HNRNPM: variants seen among roughly 807,000 people sequenced by gnomAD.
HNRNPM encodes heterogeneous nuclear ribonucleoprotein M.
In HNRNPM, 11 loss-of-function variants were observed where a neutral mutation model predicts 73.1. That is an observed-to-expected ratio of 0.15 (90% CI 0.09 to 0.25). HNRNPM has a LOEUF of 0.25. HNRNPM is among the 10% of genes least tolerant of loss of function. HNRNPM has a pLI of 1.00. For synonymous variants in HNRNPM, 407 were observed against 355.2 expected (o/e 1.15, Z -1.64); for missense variants, 789 against 1,067.9 (o/e 0.74, Z 3.64).
chr19:8,471,294 G>A, intron 9 of HNRNPM, 32 bp from the exon 10 acceptor site: 1 of 1,406,520 alleles, frequency 7.1e-7, no homozygotes, highest in Non-Finnish European at 9.8e-7. Context: ...CTAAATAGGG[G>A]AAAACTAAGC....
At chr19:8,461,677 T>G (rs1969407713) in intron 2 of HNRNPM, among the ~76,000 whole-genome samples, 1 of 152,222 alleles carries the variant, frequency 6.6e-6, no homozygotes, top group Non-Finnish European at 1.5e-5. Context: ...CATATGAGTC[T>G]GTTTAACTGT....
Position 8,459,519 on chromosome 19 carries a change from C to T in HNRNPM, c.284-3010C>T, listed in dbSNP as rs375897391. On this transcript the variant is annotated intron_variant, in intron 2 of 15. Coordinates refer to ENST00000325495, the MANE Select transcript of HNRNPM (RefSeq NM_005968.5). ...ATAGAGTGGCAGCCTGAGAATTGAC[C>T]GTTATGAGATGAAGAATGTTTGACA... Among the ~76,000 whole-genome samples, 8 of 152,176 alleles carry T rather than the reference C, an allele frequency of 5.3e-5. No homozygotes were observed. In the East Asian group the frequency reaches 7.7e-4, roughly 15 times the overall value.
At chr19:8,467,485 C>CT (rs1335578440) in intron 7 of HNRNPM, 50 bp from the exon 8 acceptor site, 1 of 1,394,372 alleles carries the variant, frequency 7.2e-7, no homozygotes, top group Non-Finnish European at 1.0e-6. Context: ...TTGTATTTCT[C>CT]TTGTGCACAT....
At chr19:8,482,920 C>A in intron 12 of HNRNPM, 1 of 497,528 alleles carries the variant, frequency 2.0e-6, no homozygotes, top group Non-Finnish European at 3.5e-6. Context: ...TCGCAGGTGA[C>A]CCCGCACGCT....
intron 1 of HNRNPM, among the ~76,000 whole-genome samples, chr19:8,454,433 AT>A (rs146525539): frequency 0.056 from 8,602 of 152,276 alleles, 373 homozygotes; most frequent in Admixed American, 0.11. Context: ...GCTGAATAAT[AT>A]CCCATTGCAT....
At chr19:8,445,365 C>T (rs1968069608) in intron 1 of HNRNPM, 1 of 362,322 alleles carries the variant, frequency 2.8e-6, no homozygotes, top group Non-Finnish European at 4.9e-6. Flanking sequence ...ACCCCGTAGT[C>T]GAGGCCTCAG....
chr19:8,467,191 C>T (rs1599792620), intron 7 of HNRNPM, among the ~76,000 whole-genome samples: 1 of 152,058 alleles, frequency 6.6e-6, no homozygotes, highest in East Asian at 1.9e-4. Flanking sequence ...CATGTCTTAC[C>T]CAGAAAACAT....
At chr19:8,447,972 GC>G (rs1182487800) in intron 1 of HNRNPM, among the ~76,000 whole-genome samples, 2 of 152,150 alleles carry the variant, frequency 1.3e-5, no homozygotes, top group Non-Finnish European at 2.9e-5. Flanking sequence ...CTTGCAGTGA[GC>G]CGAGATTGGG....
intron 1 of HNRNPM, among the ~76,000 whole-genome samples, chr19:8,454,977 G>T (rs774940443): frequency 6.6e-6 from 1 of 151,988 alleles, no homozygotes; most frequent in South Asian, 2.1e-4. Flanking sequence ...CATTAGTCTT[G>T]TCTTTGCTTT....
At chr19:8,465,287 G>C (rs1383894454) in intron 5 of HNRNPM, 37 bp from the exon 6 acceptor site, 1 of 1,518,562 alleles carries the variant, frequency 6.6e-7, no homozygotes, top group East Asian at 2.3e-5. Context: ...CGTTGTACTG[G>C]GTCAGTTAAA....
At chr19:8,473,252 A>C (rs992214434) in intron 10 of HNRNPM, among the ~76,000 whole-genome samples, 1 of 152,066 alleles carries the variant, frequency 6.6e-6, no homozygotes, top group African/African-American at 2.4e-5. Flanking sequence ...CAAAAACAAA[A>C]AAAACACAAA....
chr19:8,474,373 T>G, intron 12 of HNRNPM, 129 bp downstream of exon 12: 1 of 573,302 alleles, frequency 1.7e-6, no homozygotes, highest in Non-Finnish European at 3.1e-6. Flanking sequence ...ATCAAATGTC[T>G]TTTGAATTGC....
At chr19:8,460,756 G>A (rs76969035) in intron 2 of HNRNPM, among the ~76,000 whole-genome samples, 3 of 152,168 alleles carry the variant, frequency 2.0e-5, no homozygotes, top group Non-Finnish European at 2.9e-5. Flanking sequence ...ATTAATTATT[G>A]TGAGTCTTTT....
intron 5 of HNRNPM, among the ~76,000 whole-genome samples, chr19:8,464,964 T>C (rs892369129): frequency 3.9e-5 from 6 of 152,184 alleles, no homozygotes; most frequent in African/African-American, 1.2e-4. Flanking sequence ...CAAAACCCCA[T>C]TGATGAATTA....
At chr19:8,475,905 CTTTTTTTTTTT>C (rs71175865) in intron 12 of HNRNPM, among the ~76,000 whole-genome samples, 8 of 114,382 alleles carry the variant, frequency 7.0e-5, no homozygotes, top group Admixed American at 3.7e-4. Flanking sequence ...CCATCTCTCT[CTTTTTTTTTTT>C]TTTTTTTTTT....
chr19:8,445,174 G>A, intron 1 of HNRNPM, 63 bp downstream of exon 1: 2 of 1,297,260 alleles, frequency 1.5e-6, no homozygotes, highest in African/African-American at 1.6e-5. Context: ...CGCGGGCGGC[G>A]GCTCCGTTAG....
At chr19:8,464,375 G>A (rs1341722644) in intron 5 of HNRNPM, among the ~76,000 whole-genome samples, 6 of 152,250 alleles carry the variant, frequency 3.9e-5, no homozygotes, top group South Asian at 2.1e-4. Context: ...AGTGGCTCAC[G>A]CCTGTAATCC....
chr19:8,456,244 C>G (rs1487831408), intron 2 of HNRNPM, among the ~76,000 whole-genome samples: 1 of 152,216 alleles, frequency 6.6e-6, no homozygotes, highest in African/African-American at 2.4e-5. Flanking sequence ...AGCAGCCAAG[C>G]TCTGCTGCCA....
chr19:8,445,238 G>A (rs1160536060), intron 1 of HNRNPM, 127 bp downstream of exon 1: 13 of 835,442 alleles, frequency 1.6e-5, no homozygotes, highest in African/African-American at 3.6e-5. Context: ...TTCCCGTACC[G>A]CCTGCTCAGG....
Sources: allele counts gnomAD v4.1 joint callset (sites outside exome capture counted in the v4.1 genomes callset), GRCh38; gene constraint gnomAD v4.1.1; transcripts MANE v1.5; gene names NCBI Gene and HGNC (gene_info 2026-07-23, HGNC 2026-07-21).